Variants in KLHL1 observed in about 807,000 individuals in gnomAD.
The protein encoded by KLHL1 is kelch like family member 1, also known as kelch-like protein 1.
Under a neutral mutation model 77.7 loss-of-function variants are expected in KLHL1, and 47 were observed. That is an observed-to-expected ratio of 0.60 (90% CI 0.48 to 0.77). KLHL1 has a LOEUF of 0.77. Among genes scored for constraint, KLHL1 ranks in the 30% least tolerant of loss-of-function variants. KLHL1 has a pLI of 0.00. For missense variants in KLHL1, 925 were observed against 910.8 expected (o/e 1.02, Z -0.20); for synonymous variants, 360 against 325.2 (o/e 1.11, Z -1.15).
At chr13:70,035,846 C>A (rs559079245) in intron 1 of KLHL1, among the ~76,000 whole-genome samples, 2 of 151,564 alleles carry the variant, frequency 1.3e-5, no homozygotes, top group Non-Finnish European at 2.9e-5. Flanking sequence ...ATGGATATGT[C>A]TAGTATTTTA....
chr13:69,886,600 C>T (rs1007002937), intron 4 of KLHL1, among the ~76,000 whole-genome samples: 1 of 151,736 alleles, frequency 6.6e-6, no homozygotes, highest in African/African-American at 2.4e-5. Context: ...AAGTAAATCC[C>T]TTCAACTATC....
rs1875357431 is a variant in KLHL1, at chr13:69,700,838, A to G, written c.*864T>C. The stretch of plus-strand genomic sequence containing the variant: ...CATATGTTTTTCTTTTGAAATTCTA[A>G]GTTTGTTTAAGAACAAAATTCTAAA... On this transcript the variant is annotated 3_prime_UTR_variant, in exon 11 of 11. Coordinates refer to ENST00000377844, the MANE Select transcript of KLHL1 (RefSeq NM_020866.3). 1 of 152,356 alleles carries G rather than the reference A, an allele frequency of 6.6e-6. No individual in the cohort carries two copies. Among genetic ancestry groups the G allele is most frequent in the African/African-American group, 2.4e-5 (1 of 41,436 alleles). 9.4% of individuals were successfully genotyped at this position (152,356 alleles called of 1,614,324 possible).
chr13:70,040,708 G>C (rs938749431), intron 1 of KLHL1, among the ~76,000 whole-genome samples: 1 of 152,000 alleles, frequency 6.6e-6, no homozygotes, highest in African/African-American at 2.4e-5. Flanking sequence ...GGGTTATTTT[G>C]TTTTAGATTC....
intron 7 of KLHL1, among the ~76,000 whole-genome samples, chr13:69,768,667 T>C (rs1198280541): frequency 6.6e-6 from 1 of 152,150 alleles, no homozygotes; most frequent in Non-Finnish European, 1.5e-5. Context: ...CTCTTATACA[T>C]TGATGTTGAG....
intron 1 of KLHL1, among the ~76,000 whole-genome samples, chr13:70,052,452 A>C (rs1199609921): frequency 6.6e-6 from 1 of 151,930 alleles, no homozygotes; most frequent in Non-Finnish European, 1.5e-5. Context: ...CTACAAGAAA[A>C]TTAAAAAAAA....
At chr13:69,867,849 T>C (rs1178257034) in intron 5 of KLHL1, among the ~76,000 whole-genome samples, 1 of 103,738 alleles carries the variant, frequency 9.6e-6, no homozygotes, top group East Asian at 3.4e-4. Flanking sequence ...CTGGGGCCTG[T>C]TGTGGGGTGG....
At chr13:70,005,275 C>T (rs1167223648) in intron 1 of KLHL1, among the ~76,000 whole-genome samples, 1 of 151,796 alleles carries the variant, frequency 6.6e-6, no homozygotes, top group Non-Finnish European at 1.5e-5. Context: ...TAAAAAAATG[C>T]AAATATTTAT....
At chr13:70,088,230 C>A (rs117782782) in intron 1 of KLHL1, among the ~76,000 whole-genome samples, 2,478 of 152,170 alleles carry the variant, frequency 0.016, 27 homozygotes, top group Non-Finnish European at 0.027. Context: ...ACAACAACAA[C>A]AAATAGATGC....
chr13:70,026,427 A>G (rs892244986), intron 1 of KLHL1, among the ~76,000 whole-genome samples: 5 of 152,108 alleles, frequency 3.3e-5, no homozygotes, highest in African/African-American at 1.2e-4. Flanking sequence ...ATACAGTGTG[A>G]TTTTACAAGG....
intron 1 of KLHL1, among the ~76,000 whole-genome samples, chr13:70,025,447 G>GT (rs536486305): frequency 1.7e-3 from 263 of 151,954 alleles, no homozygotes; most frequent in African/African-American, 6.1e-3. Context: ...GTCTTGTTTT[G>GT]TTTTTTATGC....
chr13:69,927,379 A>C (rs984675048), intron 4 of KLHL1, among the ~76,000 whole-genome samples: 1 of 152,176 alleles, frequency 6.6e-6, no homozygotes, highest in Non-Finnish European at 1.5e-5. Context: ...CAAAAGCACA[A>C]GCAATAAAAG....
At chr13:69,998,635 G>T (rs55978749) in intron 1 of KLHL1, among the ~76,000 whole-genome samples, 1 of 151,808 alleles carries the variant, frequency 6.6e-6, no homozygotes, top group African/African-American at 2.4e-5. Flanking sequence ...TCAATAACTA[G>T]GACCTTAATT....
intron 4 of KLHL1, among the ~76,000 whole-genome samples, chr13:69,900,320 C>T (rs1324317530): frequency 2.6e-5 from 4 of 152,252 alleles, no homozygotes; most frequent in South Asian, 4.1e-4. Context: ...TGAAACTTCA[C>T]GTTAAACACC....
At chr13:69,956,950 C>T (rs1202329602) in intron 3 of KLHL1, among the ~76,000 whole-genome samples, 1 of 151,600 alleles carries the variant, frequency 6.6e-6, no homozygotes, top group East Asian at 1.9e-4. Context: ...CTAGACATTG[C>T]TACTTCTCGA....
chr13:69,770,190 C>T (rs1038551634), intron 7 of KLHL1, among the ~76,000 whole-genome samples: 22 of 152,164 alleles, frequency 1.4e-4, no homozygotes, highest in African/African-American at 5.3e-4. Flanking sequence ...CAGCCAGATG[C>T]CAGCACCCAA....
At chr13:70,061,311 C>T (rs996237150) in intron 1 of KLHL1, among the ~76,000 whole-genome samples, 2 of 150,640 alleles carry the variant, frequency 1.3e-5, no homozygotes, top group African/African-American at 4.9e-5. Context: ...TTTGTCCTTA[C>T]TCCCCTTTCC....
At chr13:70,071,330 A>G (rs1331387175) in intron 1 of KLHL1, among the ~76,000 whole-genome samples, 2 of 152,112 alleles carry the variant, frequency 1.3e-5, no homozygotes, top group Non-Finnish European at 2.9e-5. Context: ...CTTTATATAT[A>G]TGTACCTAGC....
intron 1 of KLHL1, among the ~76,000 whole-genome samples, chr13:70,047,531 A>G (rs1345622912): frequency 6.6e-6 from 1 of 152,140 alleles, no homozygotes; most frequent in Non-Finnish European, 1.5e-5. Context: ...CTGTTTCTCA[A>G]TAATAATGTA....
intron 7 of KLHL1, among the ~76,000 whole-genome samples, chr13:69,794,877 TATAAA>T (rs1484527390): frequency 6.6e-6 from 1 of 151,950 alleles, no homozygotes; most frequent in Non-Finnish European, 1.5e-5. Context: ...AAGACAAAAA[TATAAA>T]ATAAAACTTA....
Sources: gnomAD v4.1 joint callset for allele counts (sites outside exome capture counted in the v4.1 genomes callset) on GRCh38, gnomAD v4.1.1 for gene constraint, MANE v1.5 for transcripts, NCBI Gene and HGNC (gene_info 2026-07-23, HGNC 2026-07-21) for gene names.